TTC29: variants seen among roughly 807,000 people sequenced by gnomAD.
TTC29 encodes the protein tetratricopeptide repeat protein 29.
TTC29 carries 49 observed loss-of-function variants against 58.1 expected under a neutral mutation model. The observed-to-expected ratio is 0.84, with a 90% CI of 0.67 to 1.07. TTC29 has a LOEUF of 1.07. Ranked by LOEUF, TTC29 falls within the 50% of genes least tolerant of loss-of-function variation. The pLI, the probability that TTC29 is intolerant of heterozygous loss-of-function variation, is 0.00. For synonymous variants in TTC29, 209 were observed against 196.8 expected (o/e 1.06, Z -0.52); for missense variants, 582 against 555.6 (o/e 1.05, Z -0.48).
At chr4:146,718,503 C>T (rs1419567693) in intron 11 of TTC29, among the ~76,000 whole-genome samples, 2 of 152,032 alleles carry the variant, frequency 1.3e-5, no homozygotes, top group Non-Finnish European at 2.9e-5. Flanking sequence ...CCACTTATGT[C>T]TTTGTTTTTG....
chr4:146,876,900 C>T (rs1012669173), intron 6 of TTC29, among the ~76,000 whole-genome samples: 1 of 142,596 alleles, frequency 7.0e-6, no homozygotes, highest in Non-Finnish European at 1.5e-5. Context: ...CATGCCACTG[C>T]ACTCCAGCCT....
chr4:146,828,046 T>C (rs753147035), intron 9 of TTC29, among the ~76,000 whole-genome samples: 8 of 152,114 alleles, frequency 5.3e-5, no homozygotes, highest in Non-Finnish European at 8.8e-5. Context: ...CTTCTACATA[T>C]CAGAAATAGG....
At chr4:146,940,675 G>GACTC (rs1736298144) in intron 2 of TTC29, among the ~76,000 whole-genome samples, 1 of 152,186 alleles carries the variant, frequency 6.6e-6, no homozygotes, top group African/African-American at 2.4e-5. Flanking sequence ...TGTTAGCTGG[G>GACTC]ACTCAACTGG....
chr4:146,812,891 T>C (rs1380013871), intron 10 of TTC29: 1 of 152,192 alleles, frequency 6.6e-6, no homozygotes, highest in East Asian at 1.9e-4. Flanking sequence ...ATAATCCCTA[T>C]TCTATTATAA....
At chr4:146,917,557 A>G (rs1734306440) in intron 4 of TTC29, among the ~76,000 whole-genome samples, 2 of 145,742 alleles carry the variant, frequency 1.4e-5, no homozygotes, top group East Asian at 2.1e-4. Context: ...TATATAATTT[A>G]TATGTAATTT....
intron 8 of TTC29, among the ~76,000 whole-genome samples, chr4:146,866,014 T>A (rs1461399110): frequency 6.6e-6 from 1 of 152,142 alleles, no homozygotes; most frequent in Non-Finnish European, 1.5e-5. Flanking sequence ...ATTTTCTAAA[T>A]AACATAAAGG....
intron 5 of TTC29, among the ~76,000 whole-genome samples, chr4:146,906,097 G>A (rs866014542): frequency 1.1e-4 from 17 of 151,926 alleles, no homozygotes; most frequent in Admixed American, 9.2e-4. Flanking sequence ...CTAGCCCCAT[G>A]GGGCATAAGG....
At chr4:146,722,394 C>T (rs186609706) in intron 11 of TTC29, among the ~76,000 whole-genome samples, 1 of 152,100 alleles carries the variant, frequency 6.6e-6, no homozygotes. Context: ...AGCCAGAGGT[C>T]CCACACTACA....
intron 4 of TTC29, among the ~76,000 whole-genome samples, chr4:146,915,779 T>G (rs1171918970): frequency 6.6e-6 from 1 of 151,930 alleles, no homozygotes; most frequent in Non-Finnish European, 1.5e-5. Flanking sequence ...CATATTTTTT[T>G]CATAGGATAA....
chr4:146,773,825 C>CTCTTCTCTATATATATCTTTATATATATA (rs1747898541), intron 11 of TTC29, among the ~76,000 whole-genome samples: 6 of 151,678 alleles, frequency 4.0e-5, no homozygotes, highest in Non-Finnish European at 8.8e-5. Flanking sequence ...ATGGCACCAG[C>CTCTTCTCTATATATATCTTTATATATATA]TCTTCTTTAT....
chr4:146,712,904 T>TG (rs1043720952), intron 11 of TTC29, among the ~76,000 whole-genome samples: 4 of 152,012 alleles, frequency 2.6e-5, no homozygotes, highest in African/African-American at 7.2e-5. Context: ...AAGTAGCAGT[T>TG]GTAGAGTGTC....
intron 8 of TTC29, among the ~76,000 whole-genome samples, chr4:146,860,509 G>A (rs943077057): frequency 1.3e-5 from 2 of 152,026 alleles, no homozygotes; most frequent in Non-Finnish European, 2.9e-5. Context: ...ACTTCAGATA[G>A]TATTGAATCC....
chr4:146,786,525 C>T (rs1194270799), intron 11 of TTC29, among the ~76,000 whole-genome samples: 36 of 152,176 alleles, frequency 2.4e-4, no homozygotes, highest in Admixed American at 2.4e-3. Context: ...GCAGGTTCTA[C>T]TCTAAACCTC....
chr4:146,942,457 T>A, intron 2 of TTC29: 1 of 479,760 alleles, frequency 2.1e-6, no homozygotes, highest in Middle Eastern at 2.9e-4. Context: ...ATTAAACAGT[T>A]GAGTTACTGG....
At chr4:146,914,898 T>C (rs568788251) in intron 4 of TTC29, among the ~76,000 whole-genome samples, 1 of 152,252 alleles carries the variant, frequency 6.6e-6, no homozygotes, top group African/African-American at 2.4e-5. Context: ...CAGGTGAATA[T>C]ATAGAGATGC....
chr4:146,909,256 A>G lies in TTC29; in HGVS notation c.177-7T>C. 6.3e-7 allele frequency: 1 copy of G among 1,594,222 alleles called. No homozygotes were observed. The highest frequency in any genetic ancestry group is 8.6e-7 in the Non-Finnish European group (1 of 1,166,014). Reference sequence around the variant, plus strand: ...CTTGTAGGAGTTCCTATAACTGGAAATATGAATCAGAACACTCTCAGGTTT... The same window carrying G: ...CTTGTAGGAGTTCCTATAACTGGAAGTATGAATCAGAACACTCTCAGGTTT... On this transcript the variant is annotated splice_polypyrimidine_tract_variant and splice_region_variant and intron_variant, in intron 4 of 12. Coordinates refer to ENST00000325106, the MANE Select transcript of TTC29 (RefSeq NM_031956.4).
At chr4:146,930,106 T>TAC (rs1735225399) in intron 4 of TTC29, among the ~76,000 whole-genome samples, 1 of 128,358 alleles carries the variant, frequency 7.8e-6, no homozygotes, top group Non-Finnish European at 1.6e-5. Flanking sequence ...TATATATATA[T>TAC]ATATATATAT....
intron 3 of TTC29, among the ~76,000 whole-genome samples, chr4:146,938,663 C>T (rs933795294): frequency 5.3e-5 from 8 of 152,142 alleles, no homozygotes; most frequent in South Asian, 2.1e-4. Context: ...TTTTGATTTA[C>T]TATTTTTAAA....
intron 8 of TTC29, among the ~76,000 whole-genome samples, chr4:146,864,822 G>C (rs1019396011): frequency 3.3e-5 from 5 of 151,388 alleles, no homozygotes; most frequent in Non-Finnish European, 5.9e-5. Flanking sequence ...TTCATATTTA[G>C]AGCCCACCTA....
Sources: gnomAD v4.1 joint callset for allele counts (sites outside exome capture counted in the v4.1 genomes callset) on GRCh38, gnomAD v4.1.1 for gene constraint, MANE v1.5 for transcripts, NCBI Gene and HGNC (gene_info 2026-07-23, HGNC 2026-07-21) for gene names.